The following SLC22A15 variants were observed in gnomAD, a reference collection of about 807,000 sequenced individuals.
SLC22A15 encodes flipt 1.
A neutral mutation model predicts 62.7 loss-of-function variants in SLC22A15; 45 were observed. The observed-to-expected ratio is 0.72, with a 90% CI of 0.56 to 0.92. The LOEUF is 0.92. SLC22A15 is among the 40% of genes least tolerant of loss of function. The pLI, the probability that SLC22A15 is intolerant of heterozygous loss-of-function variation, is 0.00. For missense variants in SLC22A15, 622 were observed against 665.6 expected, an observed-to-expected ratio of 0.93 and a Z score of 0.72; for synonymous variants, 264 against 267.0, an observed-to-expected ratio of 0.99 and a Z score of 0.11.
chr1:115,980,715 G>A (rs1459161183), intron 1 of SLC22A15, among the ~76,000 whole-genome samples: 1 of 152,074 alleles, frequency 6.6e-6, no homozygotes, highest in Admixed American at 6.6e-5. Context: ...GAGATTGGTT[G>A]CCTCTTGGGA....
At chr1:116,064,171 T>C (rs1274021328) in intron 9 of SLC22A15, among the ~76,000 whole-genome samples, 1 of 152,096 alleles carries the variant, frequency 6.6e-6, no homozygotes. Context: ...ATTAAATAAA[T>C]TAAACATTCA....
intron 2 of SLC22A15, among the ~76,000 whole-genome samples, chr1:116,000,533 A>C (rs1655668790): frequency 6.6e-6 from 1 of 152,084 alleles, no homozygotes; most frequent in Middle Eastern, 3.4e-3. Context: ...TAGTTTATAC[A>C]CGACAATTAC....
intron 2 of SLC22A15, among the ~76,000 whole-genome samples, chr1:116,002,922 A>G (rs1387049397): frequency 6.6e-6 from 1 of 151,560 alleles, no homozygotes; most frequent in Non-Finnish European, 1.5e-5. Context: ...GTCTCTCCCC[A>G]TGGCAACCAC....
At chr1:116,027,462 G>T (rs1657151666) in intron 5 of SLC22A15, 1 of 464,614 alleles carries the variant, frequency 2.2e-6, no homozygotes, top group African/African-American at 2.0e-5. Flanking sequence ...CATTGACTCT[G>T]GAAGAGTCTT....
chr1:116,066,038 C>G (rs1388949270), intron 10 of SLC22A15, among the ~76,000 whole-genome samples: 1 of 152,108 alleles, frequency 6.6e-6, no homozygotes, highest in Non-Finnish European at 1.5e-5. Flanking sequence ...CCTTTAATCC[C>G]TGGAACTCTC....
rs767882041 is a variant in SLC22A15 at position 115,992,127 on chromosome 1, G to A, written c.184G>A (p.Gly62Ser). 9 of 1,613,718 alleles carry A rather than the reference G, an allele frequency of 5.6e-6. No individual in the cohort carries two copies. The highest frequency in any genetic ancestry group is 1.6e-4 in the Middle Eastern group (1 of 6,078). ...LAELLPNQSHGNQSAGEDQAF... is the reference protein window; with the variant it reads ...LAELLPNQSHSNQSAGEDQAF... ...AGAGCTCCTGCCAAATCAGAGCCAC[G>A]GTAACCAGTCAGCTGGTGAAGACCA... Residue 62 changes from glycine to serine, a missense_variant, in exon 2 of 12, where the codon GGT becomes AGT. Gly to Ser is a moderately conservative substitution (Grantham distance 56). Transcript: ENST00000369503.
At chr1:116,048,734 A>G (rs906904909) in intron 8 of SLC22A15, among the ~76,000 whole-genome samples, 2 of 152,212 alleles carry the variant, frequency 1.3e-5, no homozygotes, top group African/African-American at 4.8e-5. Flanking sequence ...CAATGAATGC[A>G]AGGGTACCTC....
chr1:115,995,806 C>G (rs774571424), intron 2 of SLC22A15, among the ~76,000 whole-genome samples: 4 of 151,250 alleles, frequency 2.6e-5, no homozygotes, highest in Non-Finnish European at 4.4e-5. Context: ...TTCAAGCTGC[C>G]TCTTGTGTCC....
intron 8 of SLC22A15, among the ~76,000 whole-genome samples, chr1:116,051,007 C>T (rs1017748350): frequency 3.3e-5 from 5 of 152,186 alleles, no homozygotes; most frequent in Non-Finnish European, 5.9e-5. Context: ...AGAAATATAC[C>T]TAACCAAGGA....
intron 2 of SLC22A15, 135 bp from the exon 3 acceptor site, chr1:116,019,447 C>A (rs895326403): frequency 1.2e-6 from 1 of 832,918 alleles, no homozygotes; most frequent in Non-Finnish European, 1.8e-6. Flanking sequence ...CTGAGATAGA[C>A]AAATTCTACT....
At chr1:116,055,535 A>G (rs1227988867) in intron 8 of SLC22A15, among the ~76,000 whole-genome samples, 4 of 148,836 alleles carry the variant, frequency 2.7e-5, no homozygotes, top group Non-Finnish European at 4.5e-5. Flanking sequence ...AAAAGAGGGA[A>G]TCCTCCTTAA....
At chr1:116,058,912 A>C (rs952879253) in intron 8 of SLC22A15, among the ~76,000 whole-genome samples, 1 of 152,218 alleles carries the variant, frequency 6.6e-6, no homozygotes, top group African/African-American at 2.4e-5. Flanking sequence ...GAGCTAAGCT[A>C]TGAGGACGCA....
At chr1:116,026,288 G>A (rs1287534673) in intron 4 of SLC22A15, among the ~76,000 whole-genome samples, 4 of 151,744 alleles carry the variant, frequency 2.6e-5, no homozygotes, top group African/African-American at 7.3e-5. Flanking sequence ...GCATGGTGGC[G>A]GGCGCCTGTA....
intron 3 of SLC22A15, among the ~76,000 whole-genome samples, chr1:116,020,053 C>T (rs765817056): frequency 8.5e-5 from 13 of 152,284 alleles, no homozygotes; most frequent in Non-Finnish European, 1.8e-4. Flanking sequence ...TTCCTTATAT[C>T]TCTCTGTGTT....
intron 8 of SLC22A15, among the ~76,000 whole-genome samples, chr1:116,041,295 T>C (rs1657778517): frequency 6.6e-6 from 1 of 152,162 alleles, no homozygotes; most frequent in African/African-American, 2.4e-5. Flanking sequence ...TAGTTCCTGG[T>C]CTCAAAGAAT....
intron 2 of SLC22A15, among the ~76,000 whole-genome samples, chr1:115,994,199 C>G (rs1411295217): frequency 6.6e-6 from 1 of 151,294 alleles, no homozygotes; most frequent in East Asian, 1.9e-4. Context: ...ACCACCACCA[C>G]TACCACCACC....
At chr1:116,045,933 A>G (rs575844156) in intron 8 of SLC22A15, among the ~76,000 whole-genome samples, 9 of 152,228 alleles carry the variant, frequency 5.9e-5, no homozygotes, top group African/African-American at 2.2e-4. Flanking sequence ...CAGTCATAAT[A>G]TACATACAGA....
chr1:116,042,536 C>T (rs1657815790), intron 8 of SLC22A15, among the ~76,000 whole-genome samples: 2 of 152,030 alleles, frequency 1.3e-5, no homozygotes, highest in African/African-American at 2.4e-5. Context: ...TAATATTAGT[C>T]TTAGAAGGAG....
chr1:116,003,538 C>G (rs558336906), intron 2 of SLC22A15, among the ~76,000 whole-genome samples: 11 of 152,216 alleles, frequency 7.2e-5, no homozygotes, highest in Non-Finnish European at 8.8e-5. Flanking sequence ...TAGGGCTCAT[C>G]TAAATGCTCC....
Sources: gnomAD v4.1 joint callset for allele counts (sites outside exome capture counted in the v4.1 genomes callset) on GRCh38, gnomAD v4.1.1 for gene constraint, MANE v1.5 for transcripts, NCBI Gene and HGNC (gene_info 2026-07-23, HGNC 2026-07-21) for gene names.